The following PLVAP variants were observed in gnomAD, a reference collection of about 807,000 sequenced individuals.
PLVAP encodes plasmalemma vesicle associated protein.
PLVAP carries 34 observed loss-of-function variants against 43.1 expected under a neutral mutation model. That is an observed-to-expected ratio of 0.79 (90% CI 0.60 to 1.05). The LOEUF (loss-of-function observed/expected upper bound fraction) is 1.05, where lower values mean the gene tolerates loss of function less well. PLVAP is among the 50% of genes least tolerant of loss of function. The pLI is 0.00. For missense variants in PLVAP, 574 were observed against 593.4 expected (o/e 0.97, Z 0.34); for synonymous variants, 241 against 237.3 (o/e 1.02, Z -0.14).
chr19:17,360,194 T>C (rs1422446301), intron 5 of PLVAP, among the ~76,000 whole-genome samples: 1 of 152,172 alleles, frequency 6.6e-6, no homozygotes, highest in Non-Finnish European at 1.5e-5. Flanking sequence ...TGCCCTACTA[T>C]TATTGTTAAG....
At chr19:17,369,053 G>A (rs1015793667) in intron 1 of PLVAP, among the ~76,000 whole-genome samples, 4 of 152,036 alleles carry the variant, frequency 2.6e-5, no homozygotes, top group African/African-American at 7.2e-5. Context: ...AACCAACCCC[G>A]CTAACACTTT....
Position 17,365,926 on chromosome 19 carries a change from G to A in PLVAP, c.539C>T (p.Thr180Ile). ...CAGCAGCACGCTTTCCTTATCCTTA[G>A]TGCAAATGGTCTTCTCCTTGGCTAT... ...VEIAKEKTIC[T>I]KDKESVLLNK... The change falls in exon 3 of 6, where the codon ACT becomes ATT. Residue 180 changes from threonine to isoleucine, a missense_variant. Coordinates refer to ENST00000252590, the MANE Select transcript of PLVAP (RefSeq NM_031310.3). 1 of 1,614,052 alleles carries A rather than the reference G, an allele frequency of 6.2e-7. No homozygotes were observed.
At position 17,377,037 on chromosome 19, in the gene PLVAP, C is replaced by G; in HGVS notation, c.252G>C (p.Leu84Phe). 1 of 1,614,038 alleles carries G rather than the reference C, an allele frequency of 6.2e-7. No individual in the cohort carries two copies. The highest frequency in any genetic ancestry group is 8.5e-7 in the Non-Finnish European group (1 of 1,180,018). ...LLGLTASQSN[L>F]TKELNFTTRA... ...GGGTGGTGAAGTTGAGCTCCTTGGT[C>G]AAGTTGGACTGGGAGGCCGTGAGCC... Residue 84 changes from leucine (L) to phenylalanine (F), a missense_variant, in exon 1 of 6, where the codon TTG (leucine) becomes TTC (phenylalanine). Transcript: ENST00000252590.
intron 1 of PLVAP, among the ~76,000 whole-genome samples, chr19:17,370,298 T>C (rs2074567288): frequency 6.6e-6 from 1 of 152,120 alleles, no homozygotes; most frequent in African/African-American, 2.4e-5. Context: ...TCTCAGCATA[T>C]ACCCAGAGCA....
intron 1 of PLVAP, among the ~76,000 whole-genome samples, chr19:17,366,994 G>C (rs1312926229): frequency 6.8e-6 from 1 of 146,910 alleles, no homozygotes; most frequent in Non-Finnish European, 1.5e-5. Flanking sequence ...CCAGGCTGGA[G>C]TGCAGTGGCC....
intron 1 of PLVAP, among the ~76,000 whole-genome samples, chr19:17,372,713 C>A (rs2074577820): frequency 6.6e-6 from 1 of 150,862 alleles, no homozygotes; most frequent in Non-Finnish European, 1.5e-5. Flanking sequence ...ACCTCGGCCT[C>A]CCGAAGTGTT....
intron 4 of PLVAP, 35 bp downstream of exon 4, chr19:17,360,737 C>A (rs1568374002): frequency 6.2e-7 from 1 of 1,605,260 alleles, no homozygotes; most frequent in Non-Finnish European, 8.5e-7. Context: ...GGAAAGGGGC[C>A]CCTCCCCTAC....
At chr19:17,368,273 T>A (rs1439540077) in intron 1 of PLVAP, among the ~76,000 whole-genome samples, 1 of 151,944 alleles carries the variant, frequency 6.6e-6, no homozygotes, top group African/African-American at 2.4e-5. Flanking sequence ...GGTTTCTCCA[T>A]GTTGGCCAGG....
intron 1 of PLVAP, among the ~76,000 whole-genome samples, chr19:17,374,309 A>G (rs2074586089): frequency 1.3e-5 from 2 of 152,114 alleles, no homozygotes; most frequent in Admixed American, 1.3e-4. Flanking sequence ...TACTAAAAAT[A>G]GAAAAATTAG....
At chr19:17,369,279 G>A (rs536815282) in intron 1 of PLVAP, among the ~76,000 whole-genome samples, 2 of 151,236 alleles carry the variant, frequency 1.3e-5, no homozygotes, top group East Asian at 2.0e-4. Flanking sequence ...TCCGTCTCCC[G>A]GGTTCAAGTG....
intron 5 of PLVAP, among the ~76,000 whole-genome samples, chr19:17,358,734 C>T (rs2074516126): frequency 1.3e-5 from 2 of 152,280 alleles, no homozygotes; most frequent in South Asian, 2.1e-4. Context: ...TAGTCCCTTG[C>T]TCCGGTCATT....
chr19:17,364,836 G>A (rs1332368578), intron 3 of PLVAP, among the ~76,000 whole-genome samples: 1 of 132,520 alleles, frequency 7.5e-6, no homozygotes, highest in African/African-American at 3.0e-5. Flanking sequence ...GCAATGGCTC[G>A]ATCTTGGCTC....
At chr19:17,375,699 T>G (rs1192571099) in intron 1 of PLVAP, among the ~76,000 whole-genome samples, 2 of 151,970 alleles carry the variant, frequency 1.3e-5, no homozygotes. Flanking sequence ...CTGGCAAACA[T>G]GGTGAAACCC....
rs1038247112 is a variant in PLVAP, at chr19:17,369,729, G to A, written c.370-3534C>T. Reference sequence around the variant, plus strand: ...AAGACATTCAAAATCGGCTGGGCGCGGTGGCTCACACCTATAATCCCAGCA... The same window carrying A: ...AAGACATTCAAAATCGGCTGGGCGCAGTGGCTCACACCTATAATCCCAGCA... On this transcript the variant is annotated intron_variant, in intron 1 of 5. Coordinates refer to ENST00000252590, the MANE Select transcript of PLVAP (RefSeq NM_031310.3). Among the ~76,000 whole-genome samples, 5 of 151,192 alleles carry A rather than the reference G, an allele frequency of 3.3e-5. No homozygotes were observed. The East Asian group carries it at 7.8e-4, about 24-fold the overall frequency.
intron 1 of PLVAP, 21 bp downstream of exon 1, chr19:17,376,899 G>A (rs776636533): frequency 6.3e-7 from 1 of 1,599,876 alleles, no homozygotes; most frequent in East Asian, 2.2e-5. Context: ...CCCAGGGCGA[G>A]TGTCCTGCCC....
intron 5 of PLVAP, among the ~76,000 whole-genome samples, chr19:17,356,095 G>C (rs879275363): frequency 3.6e-4 from 55 of 152,242 alleles, no homozygotes; most frequent in African/African-American, 1.3e-3. Context: ...GACTGCCTGA[G>C]GTCAGGAGTT....
chr19:17,356,890 T>A (rs1299234807), intron 5 of PLVAP, among the ~76,000 whole-genome samples: 3 of 148,712 alleles, frequency 2.0e-5, no homozygotes, highest in Non-Finnish European at 4.5e-5. Context: ...ACCCAGGAGG[T>A]GGAGGTTGCG....
intron 1 of PLVAP, among the ~76,000 whole-genome samples, chr19:17,370,387 C>T (rs2074567607): frequency 6.6e-6 from 1 of 152,176 alleles, no homozygotes; most frequent in South Asian, 2.1e-4. Context: ...TGGAAAGAAC[C>T]CAAATGCCTG....
chr19:17,367,110 T>C (rs2074553526), intron 1 of PLVAP, among the ~76,000 whole-genome samples: 1 of 151,726 alleles, frequency 6.6e-6, no homozygotes, highest in Non-Finnish European at 1.5e-5. Context: ...TCCTGGCCAA[T>C]TTTTTGTATT....
Sources: gnomAD v4.1 joint callset for allele counts (sites outside exome capture counted in the v4.1 genomes callset) on GRCh38, gnomAD v4.1.1 for gene constraint, MANE v1.5 for transcripts, NCBI Gene and HGNC (gene_info 2026-07-23, HGNC 2026-07-21) for gene names.